The following ALOXE3 variants were observed in gnomAD, a reference collection of about 807,000 sequenced individuals.
The protein encoded by ALOXE3 is hydroperoxide isomerase ALOXE3.
Under a neutral mutation model 87.5 loss-of-function variants are expected in ALOXE3, and 78 were observed. That is an observed-to-expected ratio of 0.89 (90% CI 0.74 to 1.08). The LOEUF (loss-of-function observed/expected upper bound fraction) is 1.08. ALOXE3 is among the 50% of genes least tolerant of loss of function. ALOXE3 has a pLI of 0.00. For missense variants in ALOXE3, 946 were observed against 912.4 expected (o/e 1.04, Z -0.47); for synonymous variants, 363 against 370.8 (o/e 0.98, Z 0.24).
At chr17:8,098,820 G>A (rs923728925) in intron 15 of ALOXE3, among the ~76,000 whole-genome samples, 14 of 151,672 alleles carry the variant, frequency 9.2e-5, no homozygotes, top group African/African-American at 3.1e-4. Context: ...TTTTAAGATT[G>A]TTGTAGCTAA....
chr17:8,114,810 C>T (rs1031802415), intron 5 of ALOXE3, 128 bp downstream of exon 5: 4 of 1,503,574 alleles, frequency 2.7e-6, no homozygotes, highest in Non-Finnish European at 3.7e-6. Context: ...CATCTCCCAT[C>T]CTGATGCTTG....
intron 13 of ALOXE3, among the ~76,000 whole-genome samples, chr17:8,107,642 A>G (rs1979421117): frequency 6.6e-6 from 1 of 151,404 alleles, no homozygotes; most frequent in Admixed American, 6.6e-5. Flanking sequence ...TACTAAAAAC[A>G]CAAAAAATTA....
intron 13 of ALOXE3, among the ~76,000 whole-genome samples, chr17:8,104,871 C>T (rs1216632461): frequency 6.6e-6 from 1 of 152,144 alleles, no homozygotes; most frequent in Non-Finnish European, 1.5e-5. Context: ...CAAGGCTCAG[C>T]CCTTGGTCCA....
upstream of ALOXE3, chr17:8,118,686 C>T: frequency 6.5e-7 from 1 of 1,537,332 alleles, no homozygotes; most frequent in Non-Finnish European, 8.7e-7. Context: ...CAGCCTTTGG[C>T]ACGCCCGACC....
Position 8,118,476 on chromosome 17 carries a change from C to G in ALOXE3, c.-314+10G>C, listed in dbSNP as rs1980814896. The G allele has an allele frequency of 6.5e-7, 1 of 1,547,726 alleles. No homozygotes were observed. ...CTCCCCATTCCCAGGCAGAGATGAG[C>G]ACAGGGCACCTGCATTCCTACGTGT... On this transcript the variant is annotated intron_variant, in intron 1 of 15. Coordinates refer to ENST00000448843, the MANE Select transcript of ALOXE3 (RefSeq NM_021628.3).
upstream of ALOXE3, chr17:8,118,615 TC>T: frequency 6.5e-7 from 1 of 1,535,210 alleles, no homozygotes; most frequent in Non-Finnish European, 8.7e-7. Context: ...TGTCAAATGG[TC>T]AGGAACAGCT....
chr17:8,100,915 T>G (rs1177933455), intron 15 of ALOXE3, among the ~76,000 whole-genome samples: 1 of 152,256 alleles, frequency 6.6e-6, no homozygotes, highest in Admixed American at 6.5e-5. Flanking sequence ...TTACTAGCTC[T>G]GTGCTGTTGA....
rs777240858 is a variant in ALOXE3, at chr17:8,104,217, T to C, written c.1685-2A>G. ...GGGTGCACAGCCGGCTTGGGAAACC[T>C]GGGTGTGGGGAGGAAGGGTAGAGGG... On this transcript the variant is annotated splice_acceptor_variant, in intron 13 of 15. Coordinates refer to ENST00000448843, the MANE Select transcript of ALOXE3 (RefSeq NM_021628.3). LOFTEE classifies it high-confidence loss of function. The C allele has an allele frequency of 3.7e-6, 6 of 1,612,290 alleles. No homozygotes were observed. The East Asian group carries it at 1.1e-4, about 30-fold the overall frequency.
chr17:8,113,647 C>T (rs1303332932), intron 6 of ALOXE3, among the ~76,000 whole-genome samples: 7 of 149,256 alleles, frequency 4.7e-5, no homozygotes, highest in Admixed American at 4.6e-4. Context: ...AGTGAGACTC[C>T]GTCTCAAAAC....
chr17:8,112,090 C>G lies in ALOXE3; in HGVS notation c.784+3G>C, dbSNP rs751801936. ...TAGACATCTCCTGCCTGGCTCTGCT[C>G]ACTTGTCGTGAAGGTCTTATGGCAC... On this transcript the variant is annotated splice_donor_region_variant and intron_variant, in intron 7 of 15. Transcript: ENST00000448843. The G allele has an allele frequency of 1.2e-6, 2 of 1,613,688 alleles. No individual in the cohort carries two copies. The highest frequency in any genetic ancestry group is 8.5e-7 in the Non-Finnish European group (1 of 1,179,598).
intron 13 of ALOXE3, 39 bp from the exon 14 acceptor site, chr17:8,104,254 G>T (rs754433168): frequency 6.6e-7 from 1 of 1,520,876 alleles, no homozygotes; most frequent in South Asian, 1.1e-5. Flanking sequence ...GTGGATGGAA[G>T]GTACTGGATT....
At chr17:8,108,350 G>T (rs960933631) in intron 13 of ALOXE3, 118 bp downstream of exon 13, 3 of 1,440,382 alleles carry the variant, frequency 2.1e-6, no homozygotes, top group Non-Finnish European at 1.9e-6. Flanking sequence ...TGCTAGTTGG[G>T]GATATTAATA....
rs535536495 is a variant in ALOXE3, at chr17:8,096,427, C to T, written c.*200G>A. On this transcript the variant is annotated 3_prime_UTR_variant, in exon 16 of 16. Coordinates refer to ENST00000448843, the MANE Select transcript of ALOXE3 (RefSeq NM_021628.3). ...TTTGGTCAGCGGCTTTTAACCTGGA[C>T]GCTGCTGTGCTGGTCTCTCACAGCT... 2.5e-5 allele frequency: 15 copies of T among 598,490 alleles called. No homozygotes were observed. The highest frequency in any genetic ancestry group is 4.5e-5 in the Non-Finnish European group (15 of 332,376). 37.1% of individuals were successfully genotyped at this position (598,490 alleles called of 1,614,324 possible). A position where few individuals can be genotyped will look rare whatever the true frequency, so the allele number is the denominator to read the frequency against.
chr17:8,117,000 A>T lies in ALOXE3; in HGVS notation c.148-20T>A. 6.2e-7 allele frequency: 1 copy of T among 1,610,792 alleles called. No individual in the cohort carries two copies. On this transcript the variant is annotated intron_variant, in intron 2 of 15. Transcript: ENST00000448843. Reference sequence around the variant, plus strand: ...CTGTACCTGAGGGGACCAAGACAGCAAGCAGGTGAGAGGCGGGGAACTGCC... The same window carrying T: ...CTGTACCTGAGGGGACCAAGACAGCTAGCAGGTGAGAGGCGGGGAACTGCC...
chr17:8,110,448 C>T lies in ALOXE3; in HGVS notation c.1038G>A (p.Val346=), dbSNP rs780371332. 6.2e-7 allele frequency: 1 copy of T among 1,613,326 alleles called. No homozygotes were observed. The highest frequency in any genetic ancestry group is 8.5e-7 in the Non-Finnish European group (1 of 1,179,624). Reference sequence around the variant, plus strand: ...GCCACAGCAGGCACAGTGGGGCGGCCACGTACTGCTGGCGGCCGTTTAGGC... The same window carrying T: ...GCCACAGCAGGCACAGTGGGGCGGCTACGTACTGCTGGCGGCCGTTTAGGC... The part of the protein sequence containing the change: ...THCLNGRQQY[V]AAPLCLLWLS... The change falls in exon 9 of 16, where the codon GTG becomes GTA. Residue 346 remains valine (V), a synonymous_variant. Coordinates refer to ENST00000448843, the MANE Select transcript of ALOXE3 (RefSeq NM_021628.3).
rs1980407697 is a variant in ALOXE3, at chr17:8,114,548, T to G, written c.616A>C (p.Met206Leu). 1 of 1,613,742 alleles carries G rather than the reference T, an allele frequency of 6.2e-7. No homozygotes were observed. Among genetic ancestry groups the G allele is most frequent in the Non-Finnish European group, 8.5e-7 (1 of 1,179,922 alleles). Reference protein sequence around the residue: ...MKIDIPSLMYMEPNVRYSATK... With the variant: ...MKIDIPSLMYLEPNVRYSATK... ...GCTGAGTATCGAACATTGGGCTCCA[T>G]GTACATCAGGGATGGGATGTCAATT... The change falls in exon 6 of 16, where the codon ATG (methionine) becomes CTG (leucine). Residue 206 changes from methionine to leucine, a missense_variant. Physicochemically the swap from Met to Leu is conservative, Grantham distance 15 (BLOSUM62 2). Coordinates refer to ENST00000448843, the MANE Select transcript of ALOXE3 (RefSeq NM_021628.3).
At chr17:8,104,344 C>T (rs541664494) in intron 13 of ALOXE3, 129 bp from the exon 14 acceptor site, 296 of 717,172 alleles carry the variant, frequency 4.1e-4, no homozygotes, top group Non-Finnish European at 6.5e-4. Context: ...ACTGTCTTGT[C>T]GGGCTGGTTA....
At chr17:8,101,628 C>G (rs1978928117) in intron 15 of ALOXE3, among the ~76,000 whole-genome samples, 1 of 151,992 alleles carries the variant, frequency 6.6e-6, no homozygotes, top group Non-Finnish European at 1.5e-5. Flanking sequence ...TATGTGGGAT[C>G]TTTCTTTTTT....
intron 3 of ALOXE3, among the ~76,000 whole-genome samples, chr17:8,116,439 G>A (rs1401705155): frequency 6.6e-6 from 1 of 152,156 alleles, no homozygotes. Context: ...ATGACTCAGG[G>A]TGCAGGTTAG....
Sources: allele counts gnomAD v4.1 joint callset (sites outside exome capture counted in the v4.1 genomes callset), GRCh38; gene constraint gnomAD v4.1.1; transcripts MANE v1.5; gene names NCBI Gene and HGNC (gene_info 2026-07-23, HGNC 2026-07-21).